The following SUSD4 variants were observed in gnomAD, a reference collection of about 807,000 sequenced individuals.
SUSD4 encodes sushi domain-containing protein 4.
SUSD4 carries 41 observed loss-of-function variants against 50.5 expected under a neutral mutation model. That is an observed-to-expected ratio of 0.81 (90% CI 0.63 to 1.05). The LOEUF is 1.05. Ranked by LOEUF, SUSD4 falls within the 50% of genes least tolerant of loss-of-function variation. SUSD4 has a pLI of 0.00. For synonymous variants in SUSD4, 257 were observed against 257.3 expected, an observed-to-expected ratio of 1.00 and a Z score of 0.01; for missense variants, 580 against 634.7, an observed-to-expected ratio of 0.91 and a Z score of 0.93.
intron 5 of SUSD4, among the ~76,000 whole-genome samples, chr1:223,251,817 G>A (rs918821294): frequency 2.6e-5 from 4 of 152,074 alleles, no homozygotes; most frequent in Non-Finnish European, 5.9e-5. Flanking sequence ...AGGTCCCTGA[G>A]GAATTGCCAC....
intron 3 of SUSD4, chr1:223,289,384 A>C (rs1012702780): frequency 1.2e-6 from 1 of 831,102 alleles, no homozygotes. Context: ...CACTTGGAAG[A>C]AGCAAGTTGA....
intron 2 of SUSD4, among the ~76,000 whole-genome samples, chr1:223,312,608 G>C (rs940422837): frequency 6.6e-6 from 1 of 152,142 alleles, no homozygotes; most frequent in African/African-American, 2.4e-5. Context: ...AAGAATCCCT[G>C]GTGCTTTGAA....
intron 2 of SUSD4, among the ~76,000 whole-genome samples, chr1:223,299,223 A>G (rs908107805): frequency 2.0e-5 from 3 of 152,206 alleles, no homozygotes; most frequent in Non-Finnish European, 4.4e-5. Context: ...ATATCCATTA[A>G]GGAGTGGACT....
intron 2 of SUSD4, among the ~76,000 whole-genome samples, chr1:223,316,177 T>C (rs191815230): frequency 1.0e-3 from 157 of 151,960 alleles, no homozygotes; most frequent in African/African-American, 3.2e-3. Flanking sequence ...CAACCCAAAA[T>C]GACTTGGGAA....
At chr1:223,294,784 T>C (rs1033947555) in intron 2 of SUSD4, among the ~76,000 whole-genome samples, 5 of 152,208 alleles carry the variant, frequency 3.3e-5, no homozygotes, top group African/African-American at 4.8e-5. Context: ...TGCCACTCTG[T>C]TGGGACTAAA....
upstream of SUSD4, chr1:223,364,226 GCGCC>G (rs367759422): frequency 0.018 from 2,747 of 150,244 alleles, 45 homozygotes; most frequent in South Asian, 0.041. The surrounding 1 kb of genome is among the most constrained non-coding windows in gnomAD (Gnocchi z 4.5). Flanking sequence ...CCCTCCCCAG[GCGCC>G]CCCGAGCGGG....
At chr1:223,287,672 T>C (rs1215228995) in intron 3 of SUSD4, among the ~76,000 whole-genome samples, 3 of 152,096 alleles carry the variant, frequency 2.0e-5, no homozygotes, top group Non-Finnish European at 4.4e-5. Context: ...CTGACAGACC[T>C]ATGGGACTCC....
In SUSD4 at chr1:223,257,232, G is replaced by A. The variant is rs143805627; in HGVS notation, c.724+7398C>T. Among the ~76,000 whole-genome samples the A allele has an allele frequency of 3.2e-4, 49 of 152,218 alleles. No individual in the cohort carries two copies. In the East Asian group the frequency reaches 6.2e-3, roughly 19 times the overall value. ...AGAATGTAGATGACGGGCTGGGTGC[G>A]GTGGTTCATGCCTGTAGTCCCAGCA... On this transcript the variant is annotated intron_variant, in intron 5 of 8. Coordinates refer to ENST00000366878, the MANE Select transcript of SUSD4 (RefSeq NM_017982.4).
intron 8 of SUSD4, among the ~76,000 whole-genome samples, chr1:223,222,607 A>G (rs916403002): frequency 1.3e-5 from 2 of 152,302 alleles, no homozygotes; most frequent in East Asian, 3.9e-4. Flanking sequence ...TTTACTCTCA[A>G]TATAAGCCAA....
intron 3 of SUSD4, among the ~76,000 whole-genome samples, chr1:223,284,098 G>T (rs7513012): frequency 7.0e-6 from 1 of 143,184 alleles, no homozygotes; most frequent in Non-Finnish European, 1.5e-5. Flanking sequence ...GGGGGAGGGG[G>T]GAGGGAAAGC....
chr1:223,251,361 C>T (rs1661294762), intron 5 of SUSD4, among the ~76,000 whole-genome samples: 1 of 152,146 alleles, frequency 6.6e-6, no homozygotes, highest in African/African-American at 2.4e-5. Flanking sequence ...TGATTTTAAA[C>T]AACCAGATTT....
In SUSD4 at chr1:223,227,751, G is replaced by C; in HGVS notation, c.917-13C>G. 1 of 1,602,092 alleles carries C rather than the reference G, an allele frequency of 6.2e-7. No individual in the cohort carries two copies. Among genetic ancestry groups the C allele is most frequent in the Non-Finnish European group, 8.5e-7 (1 of 1,172,576 alleles). Reference sequence around the variant, plus strand: ...GGCCACGTTTGCTCTGCATGAGGGAGAACAAAGCTGTACGTGAGGCTCCCA... The same window carrying C: ...GGCCACGTTTGCTCTGCATGAGGGACAACAAAGCTGTACGTGAGGCTCCCA... On this transcript the variant is annotated splice_polypyrimidine_tract_variant and intron_variant, in intron 6 of 8. Coordinates refer to ENST00000366878, the MANE Select transcript of SUSD4 (RefSeq NM_017982.4). The surrounding 1 kb of genome is among the most constrained non-coding windows in gnomAD (Gnocchi z 4.5).
At chr1:223,236,758 A>T in intron 5 of SUSD4, among the ~76,000 whole-genome samples, 1 of 152,094 alleles carries the variant, frequency 6.6e-6, no homozygotes, top group Non-Finnish European at 1.5e-5. Flanking sequence ...TTACTGTAGC[A>T]TTATGATAAG....
intron 5 of SUSD4, among the ~76,000 whole-genome samples, chr1:223,234,498 C>T (rs1388834949): frequency 1.3e-5 from 2 of 152,162 alleles, no homozygotes; most frequent in African/African-American, 2.4e-5. Flanking sequence ...ACTCCTGTAG[C>T]ATCCAGCATG....
At chr1:223,261,978 G>A (rs1662154956) in intron 5 of SUSD4, among the ~76,000 whole-genome samples, 1 of 152,168 alleles carries the variant, frequency 6.6e-6, no homozygotes, top group Admixed American at 6.5e-5. Flanking sequence ...ACTTGCCCCA[G>A]GTGAAGTGAT....
chr1:223,326,034 T>C (rs1044746509), intron 2 of SUSD4, among the ~76,000 whole-genome samples: 2 of 152,038 alleles, frequency 1.3e-5, no homozygotes, highest in Non-Finnish European at 2.9e-5. Context: ...AAAATTCATA[T>C]GGTACCAAAA....
Position 223,332,588 on chromosome 1 carries a change from C to T in SUSD4, c.148+30690G>A, listed in dbSNP as rs1003945701. 8.5e-5 allele frequency among the ~76,000 whole-genome samples: 13 copies of T among 152,166 alleles called. No individual in the cohort carries two copies. Among genetic ancestry groups the T allele is most frequent in the African/African-American group, 2.4e-4 (10 of 41,438 alleles). ...TTAATGCTGTAATTTGGATTCAAGA[C>T]GTAAAAAATACATCTCAGGCACTGA... On this transcript the variant is annotated intron_variant, in intron 2 of 8. Coordinates refer to ENST00000366878, the MANE Select transcript of SUSD4 (RefSeq NM_017982.4). This position sits in a 1 kb window ranked among gnomAD's most constrained non-coding sequence, Gnocchi z 4.0.
intron 2 of SUSD4, among the ~76,000 whole-genome samples, chr1:223,323,047 C>T (rs1016734423): frequency 6.6e-6 from 1 of 152,048 alleles, no homozygotes; most frequent in Non-Finnish European, 1.5e-5. Context: ...TCCAGTTTCG[C>T]CTTTAGGTAG....
At chr1:223,261,961 C>G (rs1662152939) in intron 5 of SUSD4, among the ~76,000 whole-genome samples, 1 of 152,126 alleles carries the variant, frequency 6.6e-6, no homozygotes, top group Admixed American at 6.5e-5. Flanking sequence ...CTGATAGAGG[C>G]TATGTGACTT....
Sources: allele counts gnomAD v4.1 joint callset (sites outside exome capture counted in the v4.1 genomes callset), GRCh38; gene constraint gnomAD v4.1.1; non-coding constraint Gnocchi (gnomAD v3.1); transcripts MANE v1.5; gene names NCBI Gene and HGNC (gene_info 2026-07-23, HGNC 2026-07-21).